LRRC27: variants seen among roughly 807,000 people sequenced by gnomAD.
The protein encoded by LRRC27 is leucine rich repeat containing 27, also known as leucine-rich repeat-containing protein 27.
LRRC27 carries 57 observed loss-of-function variants against 55.0 expected under a neutral mutation model. The ratio of observed to expected loss-of-function variants is 1.04; its 90% CI spans 0.84 to 1.29. The LOEUF (loss-of-function observed/expected upper bound fraction) is 1.29, where lower values mean the gene tolerates loss of function less well. LRRC27 is among the 50% of genes most tolerant of loss of function. The probability of loss-of-function intolerance (pLI) is 0.00; values close to 1 mark genes in which losing one functional copy is unlikely to be tolerated. For synonymous variants in LRRC27, 278 were observed against 251.9 expected (o/e 1.10, Z -0.98); for missense variants, 721 against 651.5 (o/e 1.11, Z -1.16).
At chr10:132,340,878 C>A in intron 3 of LRRC27, among the ~76,000 whole-genome samples, 1 of 109,068 alleles carries the variant, frequency 9.2e-6, no homozygotes. Flanking sequence ...GAGACTCCAT[C>A]TCAAAAAAAA....
Position 132,375,485 on chromosome 10 carries a change from T to A in LRRC27, c.*243T>A, listed in dbSNP as rs919578475. 2.3e-6 allele frequency: 1 copy of A among 425,818 alleles called. No individual in the cohort carries two copies. Among genetic ancestry groups the A allele is most frequent in the Non-Finnish European group, 4.2e-6 (1 of 237,714 alleles). The allele number at this position is 425,818 out of a possible 1,614,324, so 26.4% of individuals were successfully genotyped here. A position where few individuals can be genotyped will look rare whatever the true frequency, so the allele number is the denominator to read the frequency against. On this transcript the variant is annotated 3_prime_UTR_variant, in exon 11 of 11. Coordinates refer to ENST00000368614, the MANE Select transcript of LRRC27 (RefSeq NM_030626.3). Reference sequence around the variant, plus strand: ...ACGTGGTCTCGCCTTCCCTTCTTCCTGCAGGTTCCCGCCAAGCCATGTGAC... The same window carrying A: ...ACGTGGTCTCGCCTTCCCTTCTTCCAGCAGGTTCCCGCCAAGCCATGTGAC...
chr10:132,331,916 AC>A (rs56274613), upstream of LRRC27: 181,442 of 615,388 alleles, frequency 0.29, 29,432 homozygotes, highest in East Asian at 0.39. Flanking sequence ...GCGCACCACA[AC>A]CCCCCCACCG....
At chr10:132,338,384 C>T (rs1016178694) in intron 3 of LRRC27, among the ~76,000 whole-genome samples, 7 of 152,212 alleles carry the variant, frequency 4.6e-5, no homozygotes, top group Non-Finnish European at 1.0e-4. Context: ...CACATTGGTT[C>T]TTGGCAAATA....
Position 132,379,658 on chromosome 10 carries a change from A to G in LRRC27, c.*4416A>G, listed in dbSNP as rs1329780098. The G allele has an allele frequency of 6.6e-6, 1 of 152,000 alleles. No homozygotes were observed. The highest frequency in any genetic ancestry group is 1.5e-5 in the Non-Finnish European group (1 of 67,996). 9.4% of individuals were successfully genotyped at this position (152,000 alleles called of 1,614,324 possible). A position where few individuals can be genotyped will look rare whatever the true frequency, so the allele number is the denominator to read the frequency against. On this transcript the variant is annotated 3_prime_UTR_variant, in exon 11 of 11. Coordinates refer to ENST00000368614, the MANE Select transcript of LRRC27 (RefSeq NM_030626.3). ...TAAGGTGTCTGGTAATTTTTTGTGGATGCCGATTCTCTGTTGAAATTCTCC... is the reference window on the plus strand; with the variant it reads ...TAAGGTGTCTGGTAATTTTTTGTGGGTGCCGATTCTCTGTTGAAATTCTCC...
At chr10:132,364,910 C>T (rs1480216110) in intron 9 of LRRC27, among the ~76,000 whole-genome samples, 1 of 89,998 alleles carries the variant, frequency 1.1e-5, no homozygotes, top group Non-Finnish European at 2.8e-5. Context: ...TGCAGCAGAT[C>T]CCCAGCTCTT....
chr10:132,370,589 G>A (rs1435161188), intron 10 of LRRC27, among the ~76,000 whole-genome samples: 3 of 152,184 alleles, frequency 2.0e-5, no homozygotes, highest in East Asian at 3.8e-4. Flanking sequence ...CCTCTGTCCC[G>A]CTGCCTCTCA....
At chr10:132,349,786 C>G (rs551550297) in intron 6 of LRRC27, among the ~76,000 whole-genome samples, 21 of 152,266 alleles carry the variant, frequency 1.4e-4, no homozygotes, top group African/African-American at 4.1e-4. Context: ...AACCTGGAGC[C>G]CCTGCCCCAT....
chr10:132,353,116 TG>T (rs1469979986), intron 7 of LRRC27: 1 of 1,473,056 alleles, frequency 6.8e-7, no homozygotes, highest in Non-Finnish European at 9.0e-7. Context: ...AGCACCCCCG[TG>T]CCCCTCACTT....
intron 3 of LRRC27, among the ~76,000 whole-genome samples, chr10:132,339,402 T>C (rs944547062): frequency 1.3e-5 from 2 of 152,256 alleles, no homozygotes; most frequent in African/African-American, 4.8e-5. Flanking sequence ...GCTGCTTATC[T>C]AATGATAGGT....
At chr10:132,369,077 C>T (rs983650157) in intron 10 of LRRC27, among the ~76,000 whole-genome samples, 2 of 152,132 alleles carry the variant, frequency 1.3e-5, no homozygotes, top group Non-Finnish European at 2.9e-5. Flanking sequence ...ATCAGAAATG[C>T]AAGTTAAGGA....
Position 132,337,681 on chromosome 10 carries a change from G to T in LRRC27, c.327G>T (p.Gly109=). The T allele has an allele frequency of 6.2e-7, 1 of 1,614,090 alleles. No homozygotes were observed. Among genetic ancestry groups the T allele is most frequent in the South Asian group, 1.1e-5 (1 of 91,054 alleles). Residue 109 remains glycine (G), a synonymous_variant, in exon 3 of 11, where the codon GGG becomes GGT. Coordinates refer to ENST00000368614, the MANE Select transcript of LRRC27 (RefSeq NM_030626.3). ...RYNRIKALPS[G]IGAHQHLKTL... The stretch of plus-strand genomic sequence containing the variant: ...ATAGAATTAAAGCGCTTCCTTCTGG[G>T]ATTGGAGCTCACCAGTAAGTTGTTT...
chr10:132,354,249 A>G (rs890497237), intron 7 of LRRC27, among the ~76,000 whole-genome samples: 7 of 152,038 alleles, frequency 4.6e-5, no homozygotes, highest in Non-Finnish European at 1.0e-4. Flanking sequence ...TTTCTTCTTT[A>G]TTTTCCTGCC....
chr10:132,351,758 G>A lies in LRRC27; in HGVS notation c.1073+5G>A, dbSNP rs1200538590. On this transcript the variant is annotated splice_donor_5th_base_variant and intron_variant, in intron 7 of 10. Transcript: ENST00000368614. ...TCTGATGGAGCAGCAGAGACGGTGA[G>A]TCCACACAGGGTGGGGGTCCGCACA... 2.5e-6 allele frequency: 4 copies of A among 1,609,594 alleles called. No homozygotes were observed. The highest frequency in any genetic ancestry group is 1.1e-5 in the South Asian group (1 of 90,908).
At chr10:132,362,394 G>C (rs372743416) in intron 9 of LRRC27, among the ~76,000 whole-genome samples, 3 of 152,306 alleles carry the variant, frequency 2.0e-5, no homozygotes, top group African/African-American at 7.2e-5. Flanking sequence ...CTGGGGAGTA[G>C]GGATGGATGG....
chr10:132,356,804 C>T (rs1238856425), intron 8 of LRRC27, among the ~76,000 whole-genome samples: 2 of 152,394 alleles, frequency 1.3e-5, no homozygotes, highest in Middle Eastern at 3.4e-3. Context: ...CTCCAGAATG[C>T]GCCTGGCTTG....
At chr10:132,347,046 G>A (rs1388974358) in intron 5 of LRRC27, among the ~76,000 whole-genome samples, 2 of 152,206 alleles carry the variant, frequency 1.3e-5, no homozygotes, top group Non-Finnish European at 2.9e-5. Flanking sequence ...AGGTCCCAGT[G>A]GCTCCCAAAG....
intron 10 of LRRC27, among the ~76,000 whole-genome samples, chr10:132,369,241 C>G (rs1029484073): frequency 6.6e-6 from 1 of 152,252 alleles, no homozygotes; most frequent in Non-Finnish European, 1.5e-5. Flanking sequence ...ACACTCTCAT[C>G]ATACAATCCA....
upstream of LRRC27, chr10:132,330,132 C>A: frequency 3.0e-6 from 1 of 332,030 alleles, no homozygotes; most frequent in Non-Finnish European, 5.8e-6. Flanking sequence ...CAAAAGGCTA[C>A]CAATGGATAC....
intron 2 of LRRC27, among the ~76,000 whole-genome samples, chr10:132,336,385 G>C (rs2067134653): frequency 6.6e-6 from 1 of 152,242 alleles, no homozygotes; most frequent in South Asian, 2.1e-4. Flanking sequence ...GACCGAGCCA[G>C]CTGCCAGCAA....
Sources: gnomAD v4.1 joint callset for allele counts (sites outside exome capture counted in the v4.1 genomes callset) on GRCh38, gnomAD v4.1.1 for gene constraint, MANE v1.5 for transcripts, NCBI Gene and HGNC (gene_info 2026-07-23, HGNC 2026-07-21) for gene names.